Variants in CAMK4 observed in about 807,000 individuals in gnomAD.
CAMK4 encodes the protein calcium/calmodulin dependent protein kinase IV.
CAMK4 carries 22 observed loss-of-function variants against 44.9 expected under a neutral mutation model. The ratio of observed to expected loss-of-function variants is 0.49; its 90% CI spans 0.35 to 0.70. The LOEUF is 0.70. CAMK4 is among the 30% of genes least tolerant of loss of function. The pLI is 0.01. For synonymous variants in CAMK4, 218 were observed against 215.4 expected, an observed-to-expected ratio of 1.01 and a Z score of -0.11; for missense variants, 498 against 586.8, an observed-to-expected ratio of 0.85 and a Z score of 1.56.
At chr5:111,332,542 G>A (rs1003478544) in intron 1 of CAMK4, among the ~76,000 whole-genome samples, 1 of 151,502 alleles carries the variant, frequency 6.6e-6, no homozygotes, top group Non-Finnish European at 1.5e-5. Context: ...ATAAACATAT[G>A]TGTGCATGTG....
At chr5:111,262,089 A>G (rs1750006679) in intron 1 of CAMK4, among the ~76,000 whole-genome samples, 2 of 151,880 alleles carry the variant, frequency 1.3e-5, no homozygotes, top group Admixed American at 6.6e-5. Flanking sequence ...CTCTGCTGAC[A>G]TACCTTCACA....
chr5:111,488,742 A>T lies in CAMK4; in HGVS notation c.*4276A>T, dbSNP rs946546746. Reference sequence around the variant, plus strand: ...TTGTTTTTGCAAAGCAAATTTTTTTAAAAAAAGGTCAACAAAGTGAATCAG... The same window carrying T: ...TTGTTTTTGCAAAGCAAATTTTTTTTAAAAAAGGTCAACAAAGTGAATCAG... On this transcript the variant is annotated 3_prime_UTR_variant, in exon 11 of 11. Coordinates refer to ENST00000282356, the MANE Select transcript of CAMK4 (RefSeq NM_001744.6). 1.4e-4 allele frequency: 21 copies of T among 152,174 alleles called. No individual in the cohort carries two copies. The highest frequency in any genetic ancestry group is 3.2e-3 in the Middle Eastern group (1 of 316). 9.4% of individuals were successfully genotyped at this position (152,174 alleles called of 1,614,324 possible).
chr5:111,263,545 AT>A (rs1750089780), intron 1 of CAMK4, among the ~76,000 whole-genome samples: 2 of 152,172 alleles, frequency 1.3e-5, no homozygotes, highest in African/African-American at 4.8e-5. Flanking sequence ...TGTCCATTTC[AT>A]CTCTACCCTA....
intron 5 of CAMK4, among the ~76,000 whole-genome samples, chr5:111,395,631 G>T (rs1219849056): frequency 6.6e-6 from 1 of 152,078 alleles, no homozygotes; most frequent in Non-Finnish European, 1.5e-5. Flanking sequence ...CACAAGTTTT[G>T]TAAGTTAATG....
At chr5:111,229,478 A>G (rs1748358561) in intron 1 of CAMK4, among the ~76,000 whole-genome samples, 1 of 152,260 alleles carries the variant, frequency 6.6e-6, no homozygotes, top group African/African-American at 2.4e-5. Context: ...TGGAGTTGGA[A>G]TAAGGCTTCA....
At chr5:111,314,746 A>C (rs1748350294) in intron 1 of CAMK4, among the ~76,000 whole-genome samples, 1 of 152,086 alleles carries the variant, frequency 6.6e-6, no homozygotes, top group Non-Finnish European at 1.5e-5. Flanking sequence ...TACGTTGAAA[A>C]TACCATTTCT....
At chr5:111,424,407 A>T (rs1379428110) in intron 5 of CAMK4, among the ~76,000 whole-genome samples, 2 of 151,130 alleles carry the variant, frequency 1.3e-5, no homozygotes, top group Non-Finnish European at 3.0e-5. Flanking sequence ...TCCAATTAAG[A>T]ATATATGCAT....
chr5:111,284,445 A>G (rs1561385398), intron 1 of CAMK4, among the ~76,000 whole-genome samples: 9 of 152,168 alleles, frequency 5.9e-5, no homozygotes, highest in Admixed American at 5.9e-4. Flanking sequence ...CCTATTTCTT[A>G]CATATCACTT....
intron 1 of CAMK4, among the ~76,000 whole-genome samples, chr5:111,258,561 G>A (rs1482121071): frequency 6.6e-6 from 1 of 152,122 alleles, no homozygotes; most frequent in Non-Finnish European, 1.5e-5. Context: ...CAGATCTCGT[G>A]AGACTGATTC....
rs1379962137 is a variant in CAMK4 at position 111,409,109 on chromosome 5, C to G, written c.459+14327C>G. ...AGGATGGTGGCCCCTGCTCACAGCT[C>G]CACTAGGCAGTGCCCTGGTGAGGAC... On this transcript the variant is annotated intron_variant, in intron 5 of 10. Coordinates refer to ENST00000282356, the MANE Select transcript of CAMK4 (RefSeq NM_001744.6). Among the ~76,000 whole-genome samples the G allele has an allele frequency of 2.0e-5, 3 of 152,312 alleles. No homozygotes were observed. The East Asian group carries it at 5.8e-4, about 29-fold the overall frequency.
At chr5:111,281,679 G>A (rs562477902) in intron 1 of CAMK4, among the ~76,000 whole-genome samples, 1 of 152,260 alleles carries the variant, frequency 6.6e-6, no homozygotes, top group South Asian at 2.1e-4. Flanking sequence ...AGAGTTTGAA[G>A]CCATTTTTAT....
At chr5:111,321,581 T>G (rs936319259) in intron 1 of CAMK4, among the ~76,000 whole-genome samples, 2 of 152,160 alleles carry the variant, frequency 1.3e-5, no homozygotes, top group African/African-American at 2.4e-5. Context: ...CCATCTGGTA[T>G]AGCTCTCAGC....
In CAMK4 at chr5:111,328,670, A is replaced by C. The variant is rs28816545; in HGVS notation, c.162-15354A>C. Among the ~76,000 whole-genome samples the C allele has an allele frequency of 3.3e-5, 5 of 151,926 alleles. No individual in the cohort carries two copies. In the East Asian group the frequency reaches 7.8e-4, roughly 24 times the overall value. On this transcript the variant is annotated intron_variant, in intron 1 of 10. Coordinates refer to ENST00000282356, the MANE Select transcript of CAMK4 (RefSeq NM_001744.6). ...ATGGAATGTTCTTCCATTTGTTTGTATCCTCTTTTATTTCCTTGAGCAGAG... is the reference window on the plus strand; with the variant it reads ...ATGGAATGTTCTTCCATTTGTTTGTCTCCTCTTTTATTTCCTTGAGCAGAG...
chr5:111,484,007 C>T lies in CAMK4; in HGVS notation c.982-19C>T, dbSNP rs1755521574. 1 of 1,537,634 alleles carries T rather than the reference C, an allele frequency of 6.5e-7. No homozygotes were observed. Among genetic ancestry groups the T allele is most frequent in the Non-Finnish European group, 8.8e-7 (1 of 1,142,018 alleles). ...GTTAAAGCAGAGGTAACACTTGACA[C>T]TCTTCTGTTTCCAATCAGGCAGCGG... On this transcript the variant is annotated intron_variant, in intron 10 of 10. Transcript: ENST00000282356. This position sits in a 1 kb window ranked among gnomAD's most constrained non-coding sequence, Gnocchi z 5.3.
chr5:111,409,118 A>C (rs1345380918), intron 5 of CAMK4, among the ~76,000 whole-genome samples: 1 of 152,176 alleles, frequency 6.6e-6, no homozygotes, highest in African/African-American at 2.4e-5. Flanking sequence ...TCCACTAGGC[A>C]GTGCCCTGGT....
In CAMK4 at chr5:111,224,439, A is replaced by AGCGGCGGCG. The variant is rs747839230; in HGVS notation, c.-30_-22dup. ...CTGGCGGCCGGCTTCTCGCTCGGGC[A>AGCGGCGGCG]GCGGCGGCGGCGGCGGCGGCGGCTT... On this transcript the variant is annotated 5_prime_UTR_variant, in exon 1 of 11. Coordinates refer to ENST00000282356, the MANE Select transcript of CAMK4 (RefSeq NM_001744.6). The surrounding 1 kb of genome is among the most constrained non-coding windows in gnomAD (Gnocchi z 5.7). 157 of 1,536,282 alleles carry AGCGGCGGCG rather than the reference A, an allele frequency of 1.0e-4. No individual in the cohort carries two copies. Among genetic ancestry groups the AGCGGCGGCG allele is most frequent in the Admixed American group, 1.2e-4 (6 of 50,620 alleles).
intron 1 of CAMK4, among the ~76,000 whole-genome samples, chr5:111,250,194 C>G (rs1179453082): frequency 6.6e-6 from 1 of 152,156 alleles, no homozygotes; most frequent in Non-Finnish European, 1.5e-5. Context: ...GCAAATTGGC[C>G]ATGCACACAA....
chr5:111,346,255 G>GA (rs757791322), intron 2 of CAMK4, among the ~76,000 whole-genome samples: 4 of 150,754 alleles, frequency 2.7e-5, no homozygotes, highest in Non-Finnish European at 4.4e-5. Context: ...TGCTCCTGAG[G>GA]AAAAAAAACA....
chr5:111,316,943 T>A (rs1748448694), intron 1 of CAMK4, among the ~76,000 whole-genome samples: 1 of 152,148 alleles, frequency 6.6e-6, no homozygotes. Context: ...TGTAATTGTA[T>A]CCTAATATAT....
Sources: allele counts gnomAD v4.1 joint callset (sites outside exome capture counted in the v4.1 genomes callset), GRCh38; gene constraint gnomAD v4.1.1; non-coding constraint Gnocchi (gnomAD v3.1); transcripts MANE v1.5; gene names NCBI Gene and HGNC (gene_info 2026-07-23, HGNC 2026-07-21).